The following GNAT3 variants were observed in gnomAD, a reference collection of about 807,000 sequenced individuals.
GNAT3 encodes the protein guanine nucleotide-binding protein G(t) subunit alpha-3.
A neutral mutation model predicts 37.7 loss-of-function variants in GNAT3; 31 were observed. That is an observed-to-expected ratio of 0.82 (90% CI 0.62 to 1.11). The LOEUF is 1.11. Ranked by LOEUF, GNAT3 falls within the 50% of genes most tolerant of loss-of-function variation. The probability of loss-of-function intolerance (pLI) is 0.00; values close to 1 mark genes in which losing one functional copy is unlikely to be tolerated. For missense variants in GNAT3, 437 were observed against 412.5 expected, an observed-to-expected ratio of 1.06 and a Z score of -0.51; for synonymous variants, 138 against 139.8, an observed-to-expected ratio of 0.99 and a Z score of 0.09.
chr7:80,502,453 T>C (rs1790851002), intron 1 of GNAT3, among the ~76,000 whole-genome samples: 1 of 152,002 alleles, frequency 6.6e-6, no homozygotes, highest in Admixed American at 6.6e-5. Flanking sequence ...GTTGCAGATA[T>C]TTGTCTAAGT....
At position 80,462,763 on chromosome 7, in the gene GNAT3, T is replaced by A; in HGVS notation, c.591-132A>T. Reference sequence around the variant, plus strand: ...GTATTCTTTTGACTTTTATTGATTATAAAATTAAATTTATTTGGTCAAATG... The same window carrying A: ...GTATTCTTTTGACTTTTATTGATTAAAAAATTAAATTTATTTGGTCAAATG... On this transcript the variant is annotated intron_variant, in intron 5 of 7. Coordinates refer to ENST00000398291, the MANE Select transcript of GNAT3 (RefSeq NM_001102386.3). 4 of 604,146 alleles carry A rather than the reference T, an allele frequency of 6.6e-6. No homozygotes were observed. The South Asian group carries it at 1.3e-4, about 19-fold the overall frequency. The allele number at this position is 604,146 out of a possible 1,614,324, so 37.4% of individuals were successfully genotyped here.
intron 1 of GNAT3, among the ~76,000 whole-genome samples, chr7:80,508,276 A>G (rs1313366755): frequency 6.6e-6 from 1 of 151,990 alleles, no homozygotes; most frequent in Admixed American, 6.6e-5. Context: ...AATTTGCAAA[A>G]AAAACAAACG....
intron 1 of GNAT3, among the ~76,000 whole-genome samples, chr7:80,508,235 G>A (rs1032104253): frequency 9.9e-5 from 15 of 151,404 alleles, no homozygotes; most frequent in African/African-American, 3.6e-4. Context: ...CTTTCCATGG[G>A]GCTTCAAATC....
chr7:80,495,926 G>A (rs1790708426), intron 1 of GNAT3, among the ~76,000 whole-genome samples: 1 of 152,162 alleles, frequency 6.6e-6, no homozygotes, highest in East Asian at 1.9e-4. Context: ...TGAGTTGTTT[G>A]AATTCCTTGT....
chr7:80,492,157 C>T (rs1790604741), intron 2 of GNAT3, among the ~76,000 whole-genome samples: 1 of 143,268 alleles, frequency 7.0e-6, no homozygotes, highest in Non-Finnish European at 1.5e-5. Flanking sequence ...TGGTGAAACC[C>T]CAACTCTACT....
chr7:80,474,323 T>A lies in GNAT3; in HGVS notation c.518A>T (p.Asp173Val), dbSNP rs1353044937. 5.1e-6 allele frequency: 8 copies of A among 1,569,522 alleles called. No individual in the cohort carries two copies. Among genetic ancestry groups the A allele is most frequent in the Non-Finnish European group, 6.9e-6 (8 of 1,154,080 alleles). Residue 173 changes from aspartate (D) to valine (V), a missense_variant, in exon 5 of 8, where the codon GAT becomes GTT. Physicochemically the swap from Asp to Val is radical, Grantham distance 152. Coordinates refer to ENST00000398291, the MANE Select transcript of GNAT3 (RefSeq NM_001102386.3). ...TASGYVPNEQDVLHSRVKTTG... is the reference protein window; with the variant it reads ...TASGYVPNEQVVLHSRVKTTG... ...CGTTTTCACTCGAGAATGGAGAACATCTTGTTCATTTGGCACATACCCAGA... is the reference window on the plus strand; with the variant it reads ...CGTTTTCACTCGAGAATGGAGAACAACTTGTTCATTTGGCACATACCCAGA...
At chr7:80,498,829 A>G (rs1379069247) in intron 1 of GNAT3, among the ~76,000 whole-genome samples, 1 of 152,154 alleles carries the variant, frequency 6.6e-6, no homozygotes, top group Non-Finnish European at 1.5e-5. Flanking sequence ...AAATAATTAA[A>G]TATTTAAATT....
intron 3 of GNAT3, among the ~76,000 whole-genome samples, chr7:80,486,156 C>T (rs939858966): frequency 6.6e-6 from 1 of 152,098 alleles, no homozygotes; most frequent in Non-Finnish European, 1.5e-5. Flanking sequence ...AAACCAAGTA[C>T]TAGAATGCAG....
chr7:80,471,223 T>C (rs1790211449), intron 5 of GNAT3, among the ~76,000 whole-genome samples: 1 of 150,444 alleles, frequency 6.6e-6, no homozygotes, highest in Admixed American at 6.6e-5. Flanking sequence ...ATATTCTAGC[T>C]GTGTTGGCAG....
chr7:80,481,669 C>T (rs1362242582), intron 3 of GNAT3, among the ~76,000 whole-genome samples: 1 of 152,026 alleles, frequency 6.6e-6, no homozygotes, highest in Non-Finnish European at 1.5e-5. Flanking sequence ...TTTTCAAGGC[C>T]TTTTCTGATC....
At chr7:80,508,118 C>T (rs146050806) in intron 1 of GNAT3, among the ~76,000 whole-genome samples, 1,644 of 151,784 alleles carry the variant, frequency 0.011, 18 homozygotes, top group Admixed American at 0.023. Context: ...TGCTGGAAAT[C>T]ACTAGCTAAA....
intron 3 of GNAT3, among the ~76,000 whole-genome samples, chr7:80,479,737 GT>G (rs1790361933): frequency 6.7e-6 from 1 of 148,716 alleles, no homozygotes; most frequent in Non-Finnish European, 1.5e-5. Context: ...AAAAATTAGA[GT>G]AAAAATGGAA....
chr7:80,476,703 G>T (rs1385755660), intron 4 of GNAT3, among the ~76,000 whole-genome samples: 1 of 151,748 alleles, frequency 6.6e-6, no homozygotes, highest in Non-Finnish European at 1.5e-5. Context: ...ATATGAAATA[G>T]ACACACATTA....
chr7:80,491,104 G>C (rs1294903462), intron 2 of GNAT3, among the ~76,000 whole-genome samples: 1 of 152,124 alleles, frequency 6.6e-6, no homozygotes, highest in Non-Finnish European at 1.5e-5. Context: ...GAAGAGAAGG[G>C]AGGTAGAAGC....
At chr7:80,478,769 A>C (rs1053313322) in intron 4 of GNAT3, 72 bp downstream of exon 4, 3 of 1,428,662 alleles carry the variant, frequency 2.1e-6, no homozygotes, top group African/African-American at 1.4e-5. Context: ...TTACAAATGC[A>C]AAGTATGCAG....
intron 2 of GNAT3, 102 bp downstream of exon 2, chr7:80,494,503 A>G (rs1445352609): frequency 1.5e-6 from 1 of 676,218 alleles, no homozygotes; most frequent in Non-Finnish European, 2.6e-6. Context: ...CATGATTTAG[A>G]AAAGATTGTC....
intron 2 of GNAT3, among the ~76,000 whole-genome samples, chr7:80,489,773 T>C (rs536013736): frequency 1.0e-3 from 156 of 152,114 alleles, no homozygotes; most frequent in Non-Finnish European, 1.2e-3. Flanking sequence ...AAAAATGCAG[T>C]AAAATGTCTT....
At chr7:80,483,073 C>T (rs918595377) in intron 3 of GNAT3, among the ~76,000 whole-genome samples, 2 of 152,016 alleles carry the variant, frequency 1.3e-5, no homozygotes, top group African/African-American at 4.8e-5. Flanking sequence ...ATCCAGGCTG[C>T]ACATTACAAG....
chr7:80,475,239 G>A (rs1790283870), intron 4 of GNAT3, among the ~76,000 whole-genome samples: 1 of 151,532 alleles, frequency 6.6e-6, no homozygotes, highest in South Asian at 2.1e-4. Flanking sequence ...CAGGATCTAG[G>A]TGTGGTGATG....
Sources: allele counts gnomAD v4.1 joint callset (sites outside exome capture counted in the v4.1 genomes callset), GRCh38; gene constraint gnomAD v4.1.1; transcripts MANE v1.5; gene names NCBI Gene and HGNC (gene_info 2026-07-23, HGNC 2026-07-21).